CSMD1: variants seen among roughly 807,000 people sequenced by gnomAD.
CSMD1 encodes CUB and sushi domain-containing protein 1.
A neutral mutation model predicts 417.5 loss-of-function variants in CSMD1; 213 were observed. The ratio of observed to expected loss-of-function variants is 0.51; its 90% CI spans 0.46 to 0.57. The LOEUF is 0.57. Among genes scored for constraint, CSMD1 ranks in the 20% least tolerant of loss-of-function variants. The pLI, the probability that CSMD1 is intolerant of heterozygous loss-of-function variation, is 0.00. For synonymous variants in CSMD1, 2,862 were observed against 1,736.8 expected (o/e 1.65, Z -16.11); for missense variants, 6,923 against 4,529.7 (o/e 1.53, Z -15.17).
intron 3 of CSMD1, among the ~76,000 whole-genome samples, chr8:4,173,030 C>T (rs1250231213): frequency 6.6e-6 from 1 of 152,062 alleles, no homozygotes; most frequent in Admixed American, 6.6e-5. Flanking sequence ...TATTTTAGCC[C>T]CTAATATTGC....
intron 3 of CSMD1, among the ~76,000 whole-genome samples, chr8:4,213,509 G>C (rs768827001): frequency 3.0e-4 from 46 of 152,296 alleles, no homozygotes; most frequent in South Asian, 8.3e-4. Context: ...AATAAAATTT[G>C]GTGGTGCGTT....
chr8:4,891,133 C>A lies in CSMD1; in HGVS notation c.85+103199G>T, dbSNP rs574411174. Among the ~76,000 whole-genome samples the A allele has an allele frequency of 1.1e-4, 16 of 152,218 alleles. 1 individual carries two copies. The South Asian group carries it at 3.3e-3, about 32-fold the overall frequency. On this transcript the variant is annotated intron_variant, in intron 1 of 69. Transcript: ENST00000635120. ...CCTTCCTGAGAGCAGAGGCTGATGC[C>A]ACGGTATGAACTCTGTGTTTTGAGT...
At chr8:3,218,573 A>AAAAAAG in intron 29 of CSMD1, among the ~76,000 whole-genome samples, 1 of 149,104 alleles carries the variant, frequency 6.7e-6, no homozygotes, top group Non-Finnish European at 1.5e-5. Flanking sequence ...AAATAAAAAA[A>AAAAAAG]AAAAGAAATT....
intron 37 of CSMD1, among the ~76,000 whole-genome samples, chr8:3,170,033 G>A (rs1427714228): frequency 1.3e-5 from 2 of 152,184 alleles, no homozygotes; most frequent in Non-Finnish European, 2.9e-5. Context: ...ATGGGGAAAG[G>A]ACACAAGTGC....
In CSMD1 at chr8:4,628,113, C is replaced by CTG. The variant is rs577349030; in HGVS notation, c.302+9227_302+9228dup. ...TATATTATATACCATATATATACTTCTGTGTGTGTGTATATATATATATAT... is the reference window on the plus strand; with the variant it reads ...TATATTATATACCATATATATACTTCTGTGTGTGTGTGTATATATATATATAT... On this transcript the variant is annotated intron_variant, in intron 2 of 69. Transcript: ENST00000635120. 8.9e-3 allele frequency among the ~76,000 whole-genome samples: 1,101 copies of CTG among 124,080 alleles called. 15 individuals carry two copies. Among genetic ancestry groups the CTG allele is most frequent in the African/African-American group, 0.023 (843 of 37,340 alleles). The allele number at this position is 124,080 out of a possible 152,430, so 81.4% of individuals were successfully genotyped here.
At chr8:2,950,451 T>C (rs780707819) in intron 66 of CSMD1, 108 bp from the exon 67 acceptor site, 2 of 691,268 alleles carry the variant, frequency 2.9e-6, no homozygotes, top group East Asian at 2.5e-5. Context: ...TCATCGATAA[T>C]AGAAAACTCA....
chr8:3,468,958 G>A, intron 11 of CSMD1, 134 bp from the exon 12 acceptor site: 2 of 580,344 alleles, frequency 3.4e-6, no homozygotes, highest in South Asian at 2.1e-5. Flanking sequence ...TTCAAAGACT[G>A]TACAGCCTCT....
chr8:4,017,730 T>A (rs1796590502), intron 4 of CSMD1, among the ~76,000 whole-genome samples: 1 of 152,158 alleles, frequency 6.6e-6, no homozygotes, highest in Admixed American at 6.5e-5. Context: ...CTCGGCATTG[T>A]GTGTGCATGG....
chr8:3,493,865 T>G, intron 10 of CSMD1, 139 bp from the exon 11 acceptor site: 1 of 581,742 alleles, frequency 1.7e-6, no homozygotes, highest in East Asian at 3.0e-5. Flanking sequence ...CTGCTTTAAG[T>G]AGTTACATGG....
intron 3 of CSMD1, among the ~76,000 whole-genome samples, chr8:4,057,211 T>G (rs1189937048): frequency 2.0e-5 from 3 of 152,170 alleles, no homozygotes; most frequent in Admixed American, 1.3e-4. Flanking sequence ...CCTGACTTTT[T>G]AATGATTGCC....
At chr8:3,546,555 G>T (rs1798673268) in intron 10 of CSMD1, among the ~76,000 whole-genome samples, 1 of 151,584 alleles carries the variant, frequency 6.6e-6, no homozygotes, top group Non-Finnish European at 1.5e-5. Context: ...AAAAAATCCT[G>T]ATACTGTCAC....
At chr8:4,258,109 A>AT (rs534326797) in intron 3 of CSMD1, among the ~76,000 whole-genome samples, 92 of 150,462 alleles carry the variant, frequency 6.1e-4, no homozygotes, top group African/African-American at 2.0e-3. Flanking sequence ...ATTCCCGGCT[A>AT]TTTTTTTCTA....
At chr8:3,266,993 C>T (rs954850851) in intron 26 of CSMD1, among the ~76,000 whole-genome samples, 2 of 152,106 alleles carry the variant, frequency 1.3e-5, no homozygotes, top group Non-Finnish European at 2.9e-5. Context: ...AACAAGCTGA[C>T]ACTCATATGT....
At chr8:3,771,056 C>G (rs573982875) in intron 5 of CSMD1, among the ~76,000 whole-genome samples, 3 of 151,552 alleles carry the variant, frequency 2.0e-5, no homozygotes, top group Non-Finnish European at 4.4e-5. Flanking sequence ...GTTTCATTTG[C>G]ATGTCTGTGG....
intron 1 of CSMD1, among the ~76,000 whole-genome samples, chr8:4,917,060 C>T (rs1388083821): frequency 3.9e-5 from 6 of 152,142 alleles, no homozygotes; most frequent in Non-Finnish European, 8.8e-5. Flanking sequence ...TTAATTGGCT[C>T]AGGTTCGGTA....
chr8:3,265,433 T>G (rs1048634137), intron 26 of CSMD1, among the ~76,000 whole-genome samples: 1 of 152,184 alleles, frequency 6.6e-6, no homozygotes, highest in Non-Finnish European at 1.5e-5. Context: ...TGGGTCGTTA[T>G]TTACTCTCAG....
intron 41 of CSMD1, among the ~76,000 whole-genome samples, chr8:3,119,917 A>G (rs1817097792): frequency 6.6e-6 from 1 of 152,150 alleles, no homozygotes; most frequent in South Asian, 2.1e-4. Flanking sequence ...CTCACAATCA[A>G]CTGAAAATCA....
chr8:4,690,116 T>C (rs1399201762), intron 1 of CSMD1, among the ~76,000 whole-genome samples: 1 of 152,224 alleles, frequency 6.6e-6, no homozygotes, highest in Admixed American at 6.5e-5. Context: ...TTTCAACAAA[T>C]TCATGATATT....
At chr8:4,806,015 G>A (rs1036373205) in intron 1 of CSMD1, among the ~76,000 whole-genome samples, 16 of 152,072 alleles carry the variant, frequency 1.1e-4, no homozygotes, top group Non-Finnish European at 1.0e-4. Flanking sequence ...AGAATTATCT[G>A]AGTCCTCCCA....
Sources: gnomAD v4.1 joint callset for allele counts (sites outside exome capture counted in the v4.1 genomes callset) on GRCh38, gnomAD v4.1.1 for gene constraint, MANE v1.5 for transcripts, NCBI Gene and HGNC (gene_info 2026-07-23, HGNC 2026-07-21) for gene names.